Variants in NXPE1 observed in about 807,000 individuals in gnomAD.
NXPE1 encodes NXPE family member 1.
Under a neutral mutation model 33.3 loss-of-function variants are expected in NXPE1, and 31 were observed. That is an observed-to-expected ratio of 0.93 (90% confidence interval 0.70 to 1.26). NXPE1 has a LOEUF of 1.26. NXPE1 is among the 50% of genes most tolerant of loss of function. The pLI, the probability that NXPE1 is intolerant of heterozygous loss-of-function variation, is 0.00. For synonymous variants in NXPE1, 229 were observed against 231.4 expected, an observed-to-expected ratio of 0.99 and a Z score of 0.09; for missense variants, 661 against 655.6, an observed-to-expected ratio of 1.01 and a Z score of -0.09.
intron 5 of NXPE1, among the ~76,000 whole-genome samples, chr11:114,531,147 G>T (rs1338049809): frequency 6.6e-6 from 1 of 151,704 alleles, no homozygotes; most frequent in Non-Finnish European, 1.5e-5. Context: ...TATTTAAATT[G>T]TGATAATTTT....
intron 5 of NXPE1, among the ~76,000 whole-genome samples, chr11:114,550,019 C>T (rs1004435243): frequency 6.6e-6 from 1 of 151,900 alleles, no homozygotes; most frequent in Non-Finnish European, 1.5e-5. Context: ...CACACGTGTC[C>T]AAGATTTATA....
downstream of NXPE1, among the ~76,000 whole-genome samples, chr11:114,521,248 C>T (rs1266960125): frequency 8.5e-5 from 13 of 152,320 alleles, no homozygotes; most frequent in Non-Finnish European, 1.3e-4. Context: ...CCACTTACGA[C>T]ACATGAGAGA....
chr11:114,558,383 C>A (rs552702658), intron 1 of NXPE1, among the ~76,000 whole-genome samples: 3 of 151,952 alleles, frequency 2.0e-5, no homozygotes, highest in Non-Finnish European at 4.4e-5. Context: ...ATATTGGGTA[C>A]GTTTGCCTTG....
At chr11:114,534,009 A>G (rs935801959) in intron 5 of NXPE1, among the ~76,000 whole-genome samples, 2 of 152,118 alleles carry the variant, frequency 1.3e-5, no homozygotes, top group African/African-American at 4.8e-5. Context: ...CCTGACCCCC[A>G]AGTAGCCTAA....
intron 7 of NXPE1, among the ~76,000 whole-genome samples, chr11:114,524,062 T>A (rs1947294932): frequency 6.6e-6 from 1 of 152,240 alleles, no homozygotes; most frequent in African/African-American, 2.4e-5. Context: ...ACATTCTTAC[T>A]GTGTGGCTTT....
chr11:114,541,672 G>A (rs1339622698), intron 5 of NXPE1, among the ~76,000 whole-genome samples: 1 of 152,134 alleles, frequency 6.6e-6, no homozygotes, highest in Non-Finnish European at 1.5e-5. Context: ...TGAAGTGGGG[G>A]GGATGGTGCT....
chr11:114,531,621 A>T (rs1288643094), intron 5 of NXPE1, among the ~76,000 whole-genome samples: 4 of 152,096 alleles, frequency 2.6e-5, no homozygotes, highest in East Asian at 3.9e-4. Context: ...GCCTATTTTC[A>T]ACTCTACTTC....
chr11:114,522,087 G>A (rs758932978), exon 9 of NXPE1: 1 of 1,614,030 alleles, frequency 6.2e-7, no homozygotes, highest in South Asian at 1.1e-5. Context: ...CCCACGTTGA[G>A]GTCTTTGAAA....
chr11:114,554,457 C>G, intron 1 of NXPE1: 1 of 815,406 alleles, frequency 1.2e-6, no homozygotes, highest in Non-Finnish European at 1.5e-6. Context: ...ATAATCAGTC[C>G]TATGACCTCT....
At chr11:114,521,283 C>T (rs190619561), downstream of NXPE1, among the ~76,000 whole-genome samples, 1 of 152,150 alleles carries the variant, frequency 6.6e-6, no homozygotes, top group African/African-American at 2.4e-5. Context: ...TTGCATGTCT[C>T]TTTTTGTATT....
At chr11:114,545,691 CTT>C (rs202218807) in intron 5 of NXPE1, among the ~76,000 whole-genome samples, 30 of 138,686 alleles carry the variant, frequency 2.2e-4, no homozygotes, top group Non-Finnish European at 1.6e-4. Context: ...AAGAGTGGAT[CTT>C]TTTTTTTTTT....
intron 5 of NXPE1, among the ~76,000 whole-genome samples, chr11:114,531,119 A>C (rs185875333): frequency 6.6e-6 from 1 of 151,716 alleles, no homozygotes; most frequent in East Asian, 1.9e-4. Context: ...TAATATTATT[A>C]TATATTATTA....
At chr11:114,540,506 A>G (rs930669921) in intron 5 of NXPE1, among the ~76,000 whole-genome samples, 11 of 152,356 alleles carry the variant, frequency 7.2e-5, no homozygotes, top group African/African-American at 2.4e-4. Flanking sequence ...TGAAACACTG[A>G]GAAATAACTA....
chr11:114,558,805 A>G (rs968230598), intron 1 of NXPE1, among the ~76,000 whole-genome samples: 2 of 152,210 alleles, frequency 1.3e-5, no homozygotes, highest in Non-Finnish European at 2.9e-5. Flanking sequence ...TCTATGCCCT[A>G]TGTCCAAGCA....
At chr11:114,550,056 A>C (rs1948420725) in intron 5 of NXPE1, among the ~76,000 whole-genome samples, 1 of 152,110 alleles carries the variant, frequency 6.6e-6, no homozygotes, top group Non-Finnish European at 1.5e-5. Flanking sequence ...AACACTACTG[A>C]AGAAAACAAA....
At chr11:114,554,369 C>A in intron 1 of NXPE1, 1 of 985,232 alleles carries the variant, frequency 1.0e-6, no homozygotes, top group Non-Finnish European at 1.2e-6. Flanking sequence ...GGGCAGCAGC[C>A]TAGCTTAGAC....
chr11:114,531,899 G>A (rs1432360637), intron 5 of NXPE1, among the ~76,000 whole-genome samples: 1 of 152,160 alleles, frequency 6.6e-6, no homozygotes, highest in Non-Finnish European at 1.5e-5. Flanking sequence ...CTTGCTGGTA[G>A]TCAGAAACAC....
At chr11:114,554,063 T>C in intron 1 of NXPE1, 1 of 985,488 alleles carries the variant, frequency 1.0e-6, no homozygotes, top group Admixed American at 6.1e-5. Flanking sequence ...GTGAATGGTA[T>C]CCCAAATCAG....
chr11:114,536,015 T>C (rs563991743), intron 5 of NXPE1, among the ~76,000 whole-genome samples: 127 of 152,266 alleles, frequency 8.3e-4, no homozygotes, highest in South Asian at 1.0e-3. Context: ...ATTCCAAAAT[T>C]GACCACATAG....
Sources: allele counts gnomAD v4.1 joint callset (sites outside exome capture counted in the v4.1 genomes callset), GRCh38; gene constraint gnomAD v4.1.1; transcripts MANE v1.5; gene names NCBI Gene and HGNC (gene_info 2026-07-23, HGNC 2026-07-21).